Variants in ZNHIT6 observed in about 807,000 individuals in gnomAD.
ZNHIT6 encodes the protein zinc finger HIT-type containing 6, also known as box C/D snoRNA protein 1.
Under a neutral mutation model 57.2 loss-of-function variants are expected in ZNHIT6, and 45 were observed. The ratio of observed to expected loss-of-function variants is 0.79; its 90% CI spans 0.62 to 1.01. The LOEUF is 1.01. Among genes scored for constraint, ZNHIT6 ranks in the 50% least tolerant of loss-of-function variants. ZNHIT6 has a pLI of 0.00. For missense variants in ZNHIT6, 528 were observed against 567.3 expected (o/e 0.93, Z 0.70); for synonymous variants, 188 against 190.0 (o/e 0.99, Z 0.09).
At position 85,662,994 on chromosome 1, in the gene ZNHIT6, C is replaced by T. The variant is rs531113830; in HGVS notation, c.1248-5023G>A. Among the ~76,000 whole-genome samples the T allele has an allele frequency of 6.4e-4, 97 of 152,224 alleles. 1 individual carries two copies. Among genetic ancestry groups the T allele is most frequent in the African/African-American group, 2.3e-3 (95 of 41,542 alleles). On this transcript the variant is annotated intron_variant, in intron 8 of 9. Transcript: ENST00000370574. ...TTTCTTTGAAATCTTTTCTGATTTT[C>T]GCTGGTAAATTCAATTACTTTTAAA...
chr1:85,658,900 A>G, intron 8 of ZNHIT6, among the ~76,000 whole-genome samples: 1 of 152,010 alleles, frequency 6.6e-6, no homozygotes, highest in East Asian at 1.9e-4. Context: ...AATAATAATA[A>G]TATTTATGTT....
In ZNHIT6 at chr1:85,649,569, A is replaced by G. The variant is rs1209615772; in HGVS notation, c.*4489T>C. 6.6e-6 allele frequency: 1 copy of G among 152,248 alleles called. No individual in the cohort carries two copies. Among genetic ancestry groups the G allele is most frequent in the East Asian group, 1.9e-4 (1 of 5,196 alleles). The allele number at this position is 152,248 out of a possible 1,614,324, so 9.4% of individuals were successfully genotyped here. ...CCAGTATGGAAAATGTTCATGTTAT[A>G]GGTCATTTTAATGAACACATGCACA... On this transcript the variant is annotated 3_prime_UTR_variant, in exon 10 of 10. Transcript: ENST00000370574.
chr1:85,673,880 C>T (rs925632736), intron 8 of ZNHIT6, among the ~76,000 whole-genome samples: 7 of 152,110 alleles, frequency 4.6e-5, no homozygotes, highest in Non-Finnish European at 5.9e-5. Context: ...TAAAAATCTA[C>T]GCCTAAATAT....
intron 5 of ZNHIT6, among the ~76,000 whole-genome samples, chr1:85,694,131 A>G (rs1570324412): frequency 6.6e-6 from 1 of 152,130 alleles, no homozygotes; most frequent in Non-Finnish European, 1.5e-5. Flanking sequence ...GTAATGTTCT[A>G]TTTATTCACA....
At chr1:85,665,107 G>C (rs938863255) in intron 8 of ZNHIT6, among the ~76,000 whole-genome samples, 9 of 151,262 alleles carry the variant, frequency 5.9e-5, no homozygotes, top group Non-Finnish European at 1.2e-4. Flanking sequence ...CTCTTGTTCA[G>C]TACCAACATC....
Position 85,707,885 on chromosome 1 carries a change from C to T in ZNHIT6, c.400G>A (p.Glu134Lys). Residue 134 changes from glutamate (E) to lysine (K), a missense_variant, in exon 1 of 10, where the codon GAA becomes AAA. By Grantham distance (56) the Glu-to-Lys change is moderately conservative (BLOSUM62 1). Coordinates refer to ENST00000370574, the MANE Select transcript of ZNHIT6 (RefSeq NM_017953.4). ...ACCTTCTCTTCCTTTACCTCTGGTT[C>T]ACCCACCTTCGCTTCTTTTACCACT... ...SLVVKEAKVG[E>K]PEVKEEKVKE... 1 of 1,614,088 alleles carries T rather than the reference C, an allele frequency of 6.2e-7. No individual in the cohort carries two copies. The highest frequency in any genetic ancestry group is 8.5e-7 in the Non-Finnish European group (1 of 1,180,014).
At chr1:85,687,299 C>CAAAAAAAAAAAAAAAAAAAAAAAAAAAA (rs55889012) in intron 5 of ZNHIT6, among the ~76,000 whole-genome samples, 4 of 77,932 alleles carry the variant, frequency 5.1e-5, no homozygotes, top group South Asian at 6.0e-4. Flanking sequence ...AAAAAAAAAA[C>CAAAAAAAAAAAAAAAAAAAAAAAAAAAA]AAAAAAAAAA....
chr1:85,672,280 T>C (rs10493774), intron 8 of ZNHIT6, among the ~76,000 whole-genome samples: 35,393 of 152,034 alleles, frequency 0.23, 4,706 homozygotes, highest in Admixed American at 0.29. Flanking sequence ...TCACCAAGTC[T>C]TACTGCTTTT....
chr1:85,708,177 T>C lies in ZNHIT6; in HGVS notation c.108A>G (p.Leu36=). ...CGCCGCCGAACTCCTCCGCCCCTGC[T>C]AAGTCCCTTACTCCCTCCCTGCCAG... ...PEPGREGVRD[L]AGAEEFGGGE... The change falls in exon 1 of 10, where the codon TTA becomes TTG. Residue 36 remains leucine (L), a synonymous_variant. Coordinates refer to ENST00000370574, the MANE Select transcript of ZNHIT6 (RefSeq NM_017953.4). 2.5e-6 allele frequency: 4 copies of C among 1,614,176 alleles called. No individual in the cohort carries two copies. The highest frequency in any genetic ancestry group is 1.7e-5 in the Admixed American group (1 of 60,008).
chr1:85,678,603 T>G, intron 7 of ZNHIT6, 98 bp downstream of exon 7: 1 of 784,150 alleles, frequency 1.3e-6, no homozygotes, highest in South Asian at 1.7e-5. Flanking sequence ...AGAAAGTAAA[T>G]TGTACTACAC....
At position 85,652,778 on chromosome 1, in the gene ZNHIT6, T is replaced by G. The variant is rs1354575027; in HGVS notation, c.*1280A>C. The G allele has an allele frequency of 1.3e-5, 2 of 152,228 alleles. No homozygotes were observed. Among genetic ancestry groups the G allele is most frequent in the East Asian group, 3.8e-4 (2 of 5,198 alleles). 9.4% of individuals were successfully genotyped at this position (152,228 alleles called of 1,614,324 possible). On this transcript the variant is annotated 3_prime_UTR_variant, in exon 10 of 10. Coordinates refer to ENST00000370574, the MANE Select transcript of ZNHIT6 (RefSeq NM_017953.4). Reference sequence around the variant, plus strand: ...CATTAATGTCCAGTTTTATCATTGCTTTTTAACCATTAAGTACACACATAC... The same window carrying G: ...CATTAATGTCCAGTTTTATCATTGCGTTTTAACCATTAAGTACACACATAC...
At chr1:85,674,921 A>G (rs1661658720) in intron 8 of ZNHIT6, among the ~76,000 whole-genome samples, 1 of 152,214 alleles carries the variant, frequency 6.6e-6, no homozygotes, top group African/African-American at 2.4e-5. Context: ...GGGGATACTG[A>G]GTATTTTAAA....
Position 85,654,066 on chromosome 1 carries a change from C to A in ZNHIT6, c.1405G>T (p.Glu469Ter), listed in dbSNP as rs1331517448. 3 of 1,612,266 alleles carry A rather than the reference C, an allele frequency of 1.9e-6. No homozygotes were observed. Among genetic ancestry groups the A allele is most frequent in the Non-Finnish European group, 1.7e-6 (2 of 1,179,306 alleles). The change falls in exon 10 of 10, where the codon GAA becomes TAA. Residue 469 changes from glutamate (E) to a stop codon, truncating the protein, a stop_gained. Coordinates refer to ENST00000370574, the MANE Select transcript of ZNHIT6 (RefSeq NM_017953.4). LOFTEE classifies it high-confidence loss of function. The part of the protein sequence containing the change: ...KSESTKNVGN[E>*]N ...TCTTCCAGAAAAAATGCTCAATTTTCATTGCCAACGTTCTTGGTAGATTCA... is the reference window on the plus strand; with the variant it reads ...TCTTCCAGAAAAAATGCTCAATTTTAATTGCCAACGTTCTTGGTAGATTCA...
At chr1:85,668,667 A>G (rs1305046293) in intron 8 of ZNHIT6, among the ~76,000 whole-genome samples, 1 of 152,202 alleles carries the variant, frequency 6.6e-6, no homozygotes, top group African/African-American at 2.4e-5. Context: ...TCTTCAAAGT[A>G]TATTTTTCAA....
intron 4 of ZNHIT6, among the ~76,000 whole-genome samples, chr1:85,703,360 A>G (rs1662589607): frequency 6.6e-6 from 1 of 152,204 alleles, no homozygotes; most frequent in African/African-American, 2.4e-5. Flanking sequence ...CTAGAAAAAA[A>G]GTGGGAGGAC....
chr1:85,654,165 CTT>C, intron 9 of ZNHIT6, 67 bp from the exon 10 acceptor site: 2 of 1,360,738 alleles, frequency 1.5e-6, no homozygotes, highest in Non-Finnish European at 2.0e-6. Flanking sequence ...CTCTGTCCCT[CTT>C]CTCTCCCTCC....
chr1:85,700,597 G>C (rs1320255504), intron 5 of ZNHIT6, among the ~76,000 whole-genome samples: 1 of 152,132 alleles, frequency 6.6e-6, no homozygotes, highest in African/African-American at 2.4e-5. Flanking sequence ...GAGGCCATCT[G>C]CTTTTCATTA....
chr1:85,661,224 T>C (rs138990393), intron 8 of ZNHIT6, among the ~76,000 whole-genome samples: 34 of 152,302 alleles, frequency 2.2e-4, no homozygotes, highest in African/African-American at 7.5e-4. Context: ...TTTTACTGGT[T>C]GTTTGGGTTT....
At chr1:85,666,666 C>T (rs891963805) in intron 8 of ZNHIT6, among the ~76,000 whole-genome samples, 2 of 152,158 alleles carry the variant, frequency 1.3e-5, no homozygotes, top group African/African-American at 4.8e-5. Flanking sequence ...GCTAAGTTAA[C>T]AATTCTTATC....
Sources: gnomAD v4.1 joint callset for allele counts (sites outside exome capture counted in the v4.1 genomes callset) on GRCh38, gnomAD v4.1.1 for gene constraint, MANE v1.5 for transcripts, NCBI Gene and HGNC (gene_info 2026-07-23, HGNC 2026-07-21) for gene names.